TARBP1: variants seen among roughly 807,000 people sequenced by gnomAD.
The protein encoded by TARBP1 is tRNA guanosine 2 -O-methyltransferase TARBP1.
Under a neutral mutation model 178.6 loss-of-function variants are expected in TARBP1, and 144 were observed. The observed-to-expected ratio is 0.81, with a 90% CI of 0.70 to 0.93. The LOEUF (loss-of-function observed/expected upper bound fraction) is 0.93, where lower values mean the gene tolerates loss of function less well. Ranked by LOEUF, TARBP1 falls within the 40% of genes least tolerant of loss-of-function variation. The pLI, the probability that TARBP1 is intolerant of heterozygous loss-of-function variation, is 0.00. For missense variants in TARBP1, 2,067 were observed against 2,011.7 expected (o/e 1.03, Z -0.53); for synonymous variants, 787 against 781.0 (o/e 1.01, Z -0.13).
chr1:234,433,732 A>AT (rs1429074992), intron 13 of TARBP1, among the ~76,000 whole-genome samples, 161 bp from the exon 14 acceptor site: 1 of 152,242 alleles, frequency 6.6e-6, no homozygotes, highest in African/African-American at 2.4e-5. Context: ...CCTCCCACGC[A>AT]GAGCTAAGGA....
At position 234,427,729 on chromosome 1, in the gene TARBP1, G is replaced by A; in HGVS notation, c.3098C>T (p.Thr1033Ile). 6.7e-7 allele frequency: 1 copy of A among 1,487,726 alleles called. No individual in the cohort carries two copies. Among genetic ancestry groups the A allele is most frequent in the African/African-American group, 1.4e-5 (1 of 69,162 alleles). The allele number at this position is 1,487,726 out of a possible 1,614,324, so 92.2% of individuals were successfully genotyped here. Residue 1033 changes from threonine (T) to isoleucine (I), a missense_variant, in exon 18 of 30, where the codon ACT becomes ATT. Thr to Ile is a moderately conservative substitution (Grantham distance 89). Coordinates refer to ENST00000040877, the MANE Select transcript of TARBP1 (RefSeq NM_005646.4). The part of the protein sequence containing the change: ...YKIIEMSAIK[T>I]GVFNTLISYC... ...ACTTATCAGTGTATTGAAGACTCCA[G>A]TCTTTATAGCAGACATTTCAATTAT...
In TARBP1 at chr1:234,411,627, C is replaced by A. The variant is rs190452163; in HGVS notation, c.3706-1096G>T. On this transcript the variant is annotated intron_variant, in intron 22 of 29. Transcript: ENST00000040877. ...GGCTCAAAAGTTAAATGGAATCATA[C>A]TGTAGAGGCTTTAAAAAGCTATAGC... Among the ~76,000 whole-genome samples the A allele has an allele frequency of 2.6e-5, 4 of 152,268 alleles. No individual in the cohort carries two copies. In the East Asian group the frequency reaches 7.7e-4, roughly 29 times the overall value.
At chr1:234,463,685 GT>G in intron 6 of TARBP1, 151 bp downstream of exon 6, 1 of 482,654 alleles carries the variant, frequency 2.1e-6, no homozygotes, top group Non-Finnish European at 3.7e-6. Context: ...AAAAGATACT[GT>G]ATAATTCTGA....
chr1:234,411,695 T>A (rs1435150002), intron 22 of TARBP1, among the ~76,000 whole-genome samples: 1 of 152,132 alleles, frequency 6.6e-6, no homozygotes, highest in Non-Finnish European at 1.5e-5. Context: ...TAGGGAAAAT[T>A]TTTTAAGAAG....
At chr1:234,439,492 AAAT>A (rs1238974473) in intron 12 of TARBP1, among the ~76,000 whole-genome samples, 1 of 152,184 alleles carries the variant, frequency 6.6e-6, no homozygotes, top group Non-Finnish European at 1.5e-5. Context: ...ATGGAATACT[AAAT>A]AATGTTCAAA....
intron 6 of TARBP1, among the ~76,000 whole-genome samples, chr1:234,463,158 C>G (rs1449331256): frequency 6.6e-6 from 1 of 152,012 alleles, no homozygotes; most frequent in African/African-American, 2.4e-5. Flanking sequence ...CAGTCTTGCT[C>G]TGTCACCCAG....
chr1:234,464,036 T>A (rs1668180567), intron 5 of TARBP1, 102 bp from the exon 6 acceptor site: 1 of 556,768 alleles, frequency 1.8e-6, no homozygotes, highest in African/African-American at 2.0e-5. Context: ...CTTTCAACAA[T>A]AAAACAATCA....
At chr1:234,461,510 G>A (rs912420550) in intron 6 of TARBP1, among the ~76,000 whole-genome samples, 6 of 152,026 alleles carry the variant, frequency 3.9e-5, no homozygotes, top group Non-Finnish European at 5.9e-5. Flanking sequence ...GTTTGGCCAT[G>A]TTGGCTGGCT....
chr1:234,391,858 G>C (rs1659404167), intron 29 of TARBP1, 113 bp from the exon 30 acceptor site: 1 of 1,125,362 alleles, frequency 8.9e-7, no homozygotes, highest in South Asian at 1.5e-5. Flanking sequence ...TATTCTGAAT[G>C]TTACTAAAAG....
At chr1:234,475,758 T>C (rs1669513882) in intron 1 of TARBP1, among the ~76,000 whole-genome samples, 1 of 152,208 alleles carries the variant, frequency 6.6e-6, no homozygotes, top group Admixed American at 6.5e-5. Context: ...AGTCTACCCC[T>C]GAGGGAGGGA....
At chr1:234,394,919 G>A (rs559133960) in intron 26 of TARBP1, among the ~76,000 whole-genome samples, 10 of 151,376 alleles carry the variant, frequency 6.6e-5, no homozygotes, top group Non-Finnish European at 1.3e-4. Context: ...GTGAAACCCC[G>A]ACTCTACTAA....
chr1:234,429,722 C>A, intron 15 of TARBP1, 45 bp from the exon 16 acceptor site: 1 of 1,535,784 alleles, frequency 6.5e-7, no homozygotes, highest in Non-Finnish European at 8.7e-7. Context: ...CCCCAATTTG[C>A]CTCCACGTCT....
Position 234,465,709 on chromosome 1 carries a change from C to T in TARBP1, c.1249-1G>A. On this transcript the variant is annotated splice_acceptor_variant, in intron 4 of 29. Transcript: ENST00000040877. LOFTEE classifies it high-confidence loss of function. Reference sequence around the variant, plus strand: ...CATCCATTAATGGTCCAATAATAAACTAAAAAAAAAAAAAAAAAAAGACAC... The same window carrying T: ...CATCCATTAATGGTCCAATAATAAATTAAAAAAAAAAAAAAAAAAAGACAC... 8.9e-7 allele frequency: 1 copy of T among 1,123,512 alleles called. No homozygotes were observed. Among genetic ancestry groups the T allele is most frequent in the Admixed American group, 3.7e-5 (1 of 26,894 alleles). 69.6% of individuals were successfully genotyped at this position (1,123,512 alleles called of 1,614,324 possible). A position where few individuals can be genotyped will look rare whatever the true frequency, so the allele number is the denominator to read the frequency against.
Position 234,465,556 on chromosome 1 carries a change from C to T in TARBP1, c.1301+100G>A, listed in dbSNP as rs998133379. 12 of 1,069,216 alleles carry T rather than the reference C, an allele frequency of 1.1e-5. No individual in the cohort carries two copies. The African/African-American group carries it at 1.6e-4, about 15-fold the overall frequency. 66.2% of individuals were successfully genotyped at this position (1,069,216 alleles called of 1,614,324 possible). A position where few individuals can be genotyped will look rare whatever the true frequency, so the allele number is the denominator to read the frequency against. On this transcript the variant is annotated intron_variant, in intron 5 of 29. Coordinates refer to ENST00000040877, the MANE Select transcript of TARBP1 (RefSeq NM_005646.4). ...GATAAGAAAAACTCAACTGTCTATT[C>T]AGCAACATACTGTATGTGCCAAATG...
chr1:234,411,143 G>A (rs991824164), intron 22 of TARBP1, among the ~76,000 whole-genome samples: 6 of 151,528 alleles, frequency 4.0e-5, no homozygotes, highest in South Asian at 2.1e-4. Flanking sequence ...TCAACCAACC[G>A]TGGATGAAAA....
At chr1:234,471,635 G>A (rs1447270511) in intron 2 of TARBP1, among the ~76,000 whole-genome samples, 1 of 152,204 alleles carries the variant, frequency 6.6e-6, no homozygotes, top group Admixed American at 6.5e-5. Context: ...CACACGCTTA[G>A]AACGGCCAGT....
At chr1:234,426,451 T>C (rs1403300212) in intron 19 of TARBP1, among the ~76,000 whole-genome samples, 3 of 152,194 alleles carry the variant, frequency 2.0e-5, no homozygotes, top group Non-Finnish European at 4.4e-5. Flanking sequence ...TTGACTTTTA[T>C]TGCCACACTA....
At chr1:234,470,528 A>G (rs901427402) in intron 3 of TARBP1, among the ~76,000 whole-genome samples, 2 of 151,218 alleles carry the variant, frequency 1.3e-5, no homozygotes, top group African/African-American at 2.4e-5. Context: ...TTCTCATTCT[A>G]TAAATGTTTG....
At position 234,463,953 on chromosome 1, in the gene TARBP1, G is replaced by A. The variant is rs1163259333; in HGVS notation, c.1302-19C>T. 2.0e-6 allele frequency: 3 copies of A among 1,489,200 alleles called. No individual in the cohort carries two copies. The highest frequency in any genetic ancestry group is 1.3e-5 in the South Asian group (1 of 77,142). The allele number at this position is 1,489,200 out of a possible 1,614,324, so 92.2% of individuals were successfully genotyped here. A position where few individuals can be genotyped will look rare whatever the true frequency, so the allele number is the denominator to read the frequency against. ...TGGGGACCTACAAACAGAGAGTGGG[G>A]AAAACAAATATTTAACATTTATTTA... is the stretch of plus-strand genomic sequence containing the variant. On this transcript the variant is annotated intron_variant, in intron 5 of 29. Coordinates refer to ENST00000040877, the MANE Select transcript of TARBP1 (RefSeq NM_005646.4).
Sources: allele counts gnomAD v4.1 joint callset (sites outside exome capture counted in the v4.1 genomes callset), GRCh38; gene constraint gnomAD v4.1.1; transcripts MANE v1.5; gene names NCBI Gene and HGNC (gene_info 2026-07-23, HGNC 2026-07-21).